Variants in STK32B observed in about 807,000 individuals in gnomAD.
The protein encoded by STK32B is serine/threonine kinase 32B.
A neutral mutation model predicts 52.6 loss-of-function variants in STK32B; 43 were observed. The ratio of observed to expected loss-of-function variants is 0.82; its 90% CI spans 0.64 to 1.05. The LOEUF is 1.05. STK32B is among the 50% of genes least tolerant of loss of function. The pLI is 0.00. For synonymous variants in STK32B, 238 were observed against 204.3 expected (o/e 1.17, Z -1.41); for missense variants, 621 against 534.6 (o/e 1.16, Z -1.59).
chr4:5,319,580 T>C (rs908094992), intron 3 of STK32B, among the ~76,000 whole-genome samples: 1 of 152,080 alleles, frequency 6.6e-6, no homozygotes, highest in African/African-American at 2.4e-5. Flanking sequence ...CACCCAGGCA[T>C]ACAGAGCTGG....
At chr4:5,238,366 CCTTT>C (rs1365546188) in intron 3 of STK32B, among the ~76,000 whole-genome samples, 2 of 152,058 alleles carry the variant, frequency 1.3e-5, no homozygotes, top group Non-Finnish European at 2.9e-5. Flanking sequence ...TGTTTCTTCT[CCTTT>C]CTTCTTTTTT....
At chr4:5,448,785 A>T (rs372480197) in intron 7 of STK32B, among the ~76,000 whole-genome samples, 1 of 152,172 alleles carries the variant, frequency 6.6e-6, no homozygotes, top group African/African-American at 2.4e-5. Context: ...GTTACGTACT[A>T]CTGTAAATCT....
intron 3 of STK32B, among the ~76,000 whole-genome samples, chr4:5,324,257 G>A (rs1577349360): frequency 1.3e-5 from 2 of 152,270 alleles, no homozygotes; most frequent in Non-Finnish European, 2.9e-5. Context: ...GGGAGGGTGA[G>A]GCAGGATAAT....
intron 4 of STK32B, among the ~76,000 whole-genome samples, chr4:5,353,635 A>G (rs906928610): frequency 1.3e-5 from 2 of 152,214 alleles, no homozygotes; most frequent in Admixed American, 6.5e-5. Flanking sequence ...GGTATATGAA[A>G]AACTGCTCAA....
intron 4 of STK32B, among the ~76,000 whole-genome samples, chr4:5,333,152 C>T (rs1463966497): frequency 6.6e-6 from 1 of 152,040 alleles, no homozygotes; most frequent in East Asian, 1.9e-4. Flanking sequence ...TCCTCTCCAG[C>T]ACCTGTTGTT....
At position 5,296,573 on chromosome 4, in the gene STK32B, T is replaced by TG. The variant is rs1363082187; in HGVS notation, c.261-34644dup. ...GTTTACAGACTATTTTATCAGAGAC[T>TG]GGGATTGCAACCCCTGCTGTTTTTT... On this transcript the variant is annotated intron_variant, in intron 3 of 11. Coordinates refer to ENST00000282908, the MANE Select transcript of STK32B (RefSeq NM_018401.3). Among the ~76,000 whole-genome samples, 9 of 152,330 alleles carry TG rather than the reference T, an allele frequency of 5.9e-5. No homozygotes were observed. In the South Asian group the frequency reaches 6.2e-4, roughly 11 times the overall value.
the STK32B span, among the ~76,000 whole-genome samples, chr4:5,031,573 T>A: frequency 2.5e-4 from 38 of 151,854 alleles, no homozygotes; most frequent in Non-Finnish European, 4.9e-4. Context: ...CACTCCAGTC[T>A]AGGAGACTCT....
chr4:5,308,423 TTAAG>T lies in STK32B; in HGVS notation c.261-22793_261-22790del, dbSNP rs578140237. Among the ~76,000 whole-genome samples the T allele has an allele frequency of 2.1e-4, 32 of 151,964 alleles. No individual in the cohort carries two copies. In the East Asian group the frequency reaches 6.2e-3, roughly 29 times the overall value. ...CACCATTTTCCCCAAGTATGTGACT[TTAAG>T]TAATCTACACTCTTCCGATGCCTCA... On this transcript the variant is annotated intron_variant, in intron 3 of 11. Coordinates refer to ENST00000282908, the MANE Select transcript of STK32B (RefSeq NM_018401.3).
rs544545482 is a variant in STK32B, at chr4:5,485,486, C to T, written c.1107-13459C>T. 5.9e-5 allele frequency among the ~76,000 whole-genome samples: 9 copies of T among 152,182 alleles called. No individual in the cohort carries two copies. In the South Asian group the frequency reaches 8.3e-4, roughly 14 times the overall value. ...GTATTGGTTATTCTACTTAGCCATT[C>T]GTCTAATTTTTTTCAAGGTTTTTAA... On this transcript the variant is annotated intron_variant, in intron 11 of 11. Coordinates refer to ENST00000282908, the MANE Select transcript of STK32B (RefSeq NM_018401.3).
the STK32B span, among the ~76,000 whole-genome samples, chr4:5,023,043 C>G: frequency 3.3e-5 from 5 of 151,660 alleles, no homozygotes; most frequent in Non-Finnish European, 7.4e-5. Context: ...TTGTGTGTGT[C>G]TCTGTGAAAG....
chr4:5,303,566 G>GT (rs1560299675), intron 3 of STK32B, among the ~76,000 whole-genome samples: 1 of 152,048 alleles, frequency 6.6e-6, no homozygotes, highest in East Asian at 1.9e-4. Context: ...TGAGTTCCTT[G>GT]TAGATTCTGG....
chr4:5,484,684 C>T (rs573560441), intron 11 of STK32B, among the ~76,000 whole-genome samples: 87 of 152,122 alleles, frequency 5.7e-4, no homozygotes, highest in African/African-American at 1.9e-3. Flanking sequence ...TTCCTAGCCT[C>T]GATGGTCTTT....
intron 4 of STK32B, among the ~76,000 whole-genome samples, chr4:5,357,412 CAGTTGATTTGGG>C (rs1403386793): frequency 1.4e-4 from 22 of 152,274 alleles, no homozygotes; most frequent in Middle Eastern, 6.8e-3. Context: ...ATGACAACTA[CAGTTGATTTGGG>C]AGGTGCCAGG....
chr4:5,050,534 TG>T (rs1262597244), upstream of STK32B, among the ~76,000 whole-genome samples: 4 of 152,114 alleles, frequency 2.6e-5, no homozygotes, highest in Non-Finnish European at 5.9e-5. Flanking sequence ...GGACGGGGAC[TG>T]GGGGACGAGA....
At chr4:5,297,883 G>T (rs992635067) in intron 3 of STK32B, among the ~76,000 whole-genome samples, 1 of 152,124 alleles carries the variant, frequency 6.6e-6, no homozygotes, top group Non-Finnish European at 1.5e-5. Flanking sequence ...GGAATTTTCA[G>T]CATTTTTGCA....
rs911106355 is a variant in STK32B, at chr4:5,400,713, A to G, written c.472+2469A>G. Among the ~76,000 whole-genome samples, 3 of 152,188 alleles carry G rather than the reference A, an allele frequency of 2.0e-5. No individual in the cohort carries two copies. The highest frequency in any genetic ancestry group is 6.5e-5 in the Admixed American group (1 of 15,272). ...GGAGAGAAGAGAAAGAGAGAATTCT[A>G]TGCCCATGGCCCTCCTTTACCTGCT... On this transcript the variant is annotated intron_variant, in intron 5 of 11. Transcript: ENST00000282908. This position sits in a 1 kb window ranked among gnomAD's most constrained non-coding sequence, Gnocchi z 6.1.
intron 4 of STK32B, among the ~76,000 whole-genome samples, chr4:5,358,141 C>T (rs150735109): frequency 0.022 from 3,356 of 152,248 alleles, 67 homozygotes; most frequent in Non-Finnish European, 0.035. Flanking sequence ...AATTTATTCC[C>T]TAAAGGGATT....
intron 3 of STK32B, among the ~76,000 whole-genome samples, chr4:5,312,369 G>A (rs1024906304): frequency 4.6e-5 from 7 of 151,406 alleles, no homozygotes; most frequent in African/African-American, 1.5e-4. Context: ...CATGTGCCAC[G>A]CTGGTGTGCT....
intron 1 of STK32B, among the ~76,000 whole-genome samples, chr4:5,081,973 T>C (rs1028488997): frequency 2.0e-5 from 3 of 152,244 alleles, no homozygotes; most frequent in Non-Finnish European, 4.4e-5. Context: ...TCTGGCACCC[T>C]TGCCTTTCTG....
Sources: gnomAD v4.1 joint callset for allele counts (sites outside exome capture counted in the v4.1 genomes callset) on GRCh38, gnomAD v4.1.1 for gene constraint, Gnocchi (gnomAD v3.1) non-coding constraint, MANE v1.5 for transcripts, NCBI Gene and HGNC (gene_info 2026-07-23, HGNC 2026-07-21) for gene names.